Variants in BRF1 observed in about 807,000 individuals in gnomAD.
The protein encoded by BRF1 is transcription factor IIIB 90 kDa subunit.
In BRF1, 59 loss-of-function variants were observed where a neutral mutation model predicts 81.7. That is an observed-to-expected ratio of 0.72 (90% CI 0.59 to 0.90). The LOEUF (loss-of-function observed/expected upper bound fraction) is 0.90, where lower values mean the gene tolerates loss of function less well. Ranked by LOEUF, BRF1 falls within the 40% of genes least tolerant of loss-of-function variation. The pLI is 0.00. For synonymous variants in BRF1, 491 were observed against 395.6 expected, an observed-to-expected ratio of 1.24 and a Z score of -2.86; for missense variants, 1,050 against 936.3, an observed-to-expected ratio of 1.12 and a Z score of -1.58.
intron 6 of BRF1, among the ~76,000 whole-genome samples, chr14:105,229,444 A>G (rs935705246): frequency 2.6e-5 from 4 of 152,146 alleles, no homozygotes; most frequent in Non-Finnish European, 5.9e-5. Context: ...GGTAGAGTGG[A>G]CTCTGTGGGC....
intron 5 of BRF1, chr14:105,247,667 G>A (rs879590853): frequency 3.0e-6 from 3 of 985,404 alleles, no homozygotes; most frequent in African/African-American, 1.7e-5. Context: ...TGCTGGCTGC[G>A]TCCTGTGGGG....
upstream of BRF1, among the ~76,000 whole-genome samples, chr14:105,304,535 T>G (rs1409074370): frequency 6.6e-6 from 1 of 152,186 alleles, no homozygotes; most frequent in Admixed American, 6.5e-5. Context: ...AGGGTGAGGC[T>G]CTACTGGGCA....
chr14:105,251,306 C>G (rs2055596673), intron 5 of BRF1, among the ~76,000 whole-genome samples: 1 of 152,182 alleles, frequency 6.6e-6, no homozygotes, highest in Non-Finnish European at 1.5e-5. Flanking sequence ...GCCTGGTTGT[C>G]TCTATGTCCT....
chr14:105,287,561 CG>C (rs1156602637), intron 1 of BRF1, among the ~76,000 whole-genome samples: 1 of 152,106 alleles, frequency 6.6e-6, no homozygotes, highest in African/African-American at 2.4e-5. Flanking sequence ...TAGGGCCTGT[CG>C]GAGGACACTG....
intron 3 of BRF1, among the ~76,000 whole-genome samples, chr14:105,263,151 C>T (rs112031186): frequency 1.2e-4 from 18 of 149,352 alleles, no homozygotes; most frequent in Non-Finnish European, 2.1e-4. Flanking sequence ...GCAGGAGAAT[C>T]GCTTGAACCC....
Position 105,252,559 on chromosome 14 carries a change from T to A in BRF1, c.492A>T (p.Gly164=). 6.2e-7 allele frequency: 1 copy of A among 1,613,818 alleles called. No individual in the cohort carries two copies. The highest frequency in any genetic ancestry group is 8.5e-7 in the Non-Finnish European group (1 of 1,179,962). The change falls in exon 5 of 18, where the codon GGA becomes GGT. Residue 164 remains glycine (G), a synonymous_variant. Transcript: ENST00000547530. ...CTCTTGCCAAGAGAAGAAACGTCTT[T>A]CCAAGCACGTACACATTCACCTGAG... is the stretch of plus-strand genomic sequence containing the variant. ...DLLQVNVYVL[G]KTFLLLAREL... is the part of the protein sequence containing the mutation.
intron 5 of BRF1, chr14:105,250,664 T>C: frequency 6.2e-7 from 1 of 1,607,190 alleles, no homozygotes; most frequent in Non-Finnish European, 8.5e-7. Flanking sequence ...GCTCATTTTC[T>C]ATGCCTGAGG....
intron 6 of BRF1, among the ~76,000 whole-genome samples, chr14:105,229,143 A>G (rs1181235686): frequency 1.3e-5 from 2 of 152,238 alleles, no homozygotes; most frequent in Non-Finnish European, 2.9e-5. Context: ...ATCAAGGAAA[A>G]TTAAAATGAA....
At chr14:105,300,258 T>C (rs1300642172) in intron 1 of BRF1, among the ~76,000 whole-genome samples, 188 bp downstream of exon 1, 1 of 151,382 alleles carries the variant, frequency 6.6e-6, no homozygotes, top group African/African-American at 2.4e-5. Context: ...GCCACGGGGG[T>C]CCACAGGCGC....
chr14:105,249,053 C>T (rs2055383701), intron 5 of BRF1: 14 of 1,292,026 alleles, frequency 1.1e-5, no homozygotes, highest in Middle Eastern at 3.0e-4. Flanking sequence ...AGAGCCCCGG[C>T]TGGCGGTGCT....
At chr14:105,248,995 CGCCGCCG>C in intron 5 of BRF1, 1 of 1,005,766 alleles carries the variant, frequency 9.9e-7, no homozygotes, top group Non-Finnish European at 1.2e-6. Flanking sequence ...GCGCCAGCGC[CGCCGCCG>C]CCCGCGCCCG....
At chr14:105,297,944 C>G (rs1282006003) in intron 1 of BRF1, among the ~76,000 whole-genome samples, 1 of 152,050 alleles carries the variant, frequency 6.6e-6, no homozygotes, top group Non-Finnish European at 1.5e-5. Context: ...TGCAGTGAGC[C>G]GAGATAGTGC....
chr14:105,224,441 T>A (rs1282407636), intron 10 of BRF1, among the ~76,000 whole-genome samples: 5 of 152,236 alleles, frequency 3.3e-5, no homozygotes, highest in African/African-American at 1.2e-4. Context: ...ATGTCCACCC[T>A]GGCTGCAATC....
chr14:105,300,369 C>T, intron 1 of BRF1, 77 bp downstream of exon 1: 1 of 1,373,788 alleles, frequency 7.3e-7, no homozygotes, highest in Middle Eastern at 2.7e-4. Context: ...GGCGCTGGTC[C>T]CGGCCGCGCC....
chr14:105,300,554 T>C lies in BRF1; in HGVS notation c.76A>G (p.Thr26Ala). The C allele has an allele frequency of 6.6e-7, 1 of 1,506,092 alleles. No individual in the cohort carries two copies. Among genetic ancestry groups the C allele is most frequent in the Non-Finnish European group, 8.8e-7 (1 of 1,131,136 alleles). The allele number at this position is 1,506,092 out of a possible 1,614,324, so 93.3% of individuals were successfully genotyped here. ...TCCTCCAGCACTGAGCCGCAGGCGGTGCACACCGCGTCCCCGCGCGCCGCG... is the reference window on the plus strand; with the variant it reads ...TCCTCCAGCACTGAGCCGCAGGCGGCGCACACCGCGTCCCCGCGCGCCGCG... Reference protein sequence around the residue: ...LDAARGDAVCTACGSVLEDNI... With the variant: ...LDAARGDAVCAACGSVLEDNI... The change falls in exon 1 of 18, where the codon ACC (threonine) becomes GCC (alanine). Residue 26 changes from threonine to alanine, a missense_variant. Thr to Ala is a moderately conservative substitution (Grantham distance 58, BLOSUM62 0). This residue lies in a region of BRF1 where 1,043 missense variants were observed against 915.4 expected (regional missense o/e 1.14). Transcript: ENST00000547530.
At chr14:105,249,191 G>A in intron 5 of BRF1, 1 of 1,588,798 alleles carries the variant, frequency 6.3e-7, no homozygotes. Flanking sequence ...GCTCATGGCC[G>A]ACGTGCACTT....
intron 1 of BRF1, among the ~76,000 whole-genome samples, chr14:105,288,757 C>T (rs1399122126): frequency 6.6e-6 from 1 of 151,280 alleles, no homozygotes; most frequent in Non-Finnish European, 1.5e-5. Flanking sequence ...CCTCAGCCTC[C>T]CGAGTAGCTG....
intron 4 of BRF1, 166 bp downstream of exon 4, chr14:105,256,352 T>TA: frequency 1.3e-6 from 2 of 1,561,186 alleles, no homozygotes; most frequent in Non-Finnish European, 1.7e-6. Context: ...CCCCATGTCA[T>TA]GAAGGCCCCT....
intron 1 of BRF1, among the ~76,000 whole-genome samples, chr14:105,313,298 C>T (rs1328054260): frequency 6.6e-6 from 1 of 152,208 alleles, no homozygotes; most frequent in African/African-American, 2.4e-5. Flanking sequence ...GACAGCCTGT[C>T]CTCCTGGGGT....
Sources: gnomAD v4.1 joint callset for allele counts (sites outside exome capture counted in the v4.1 genomes callset) on GRCh38, gnomAD v4.1.1 for gene constraint, gnomAD v4.1.1 regional missense constraint, MANE v1.5 for transcripts, NCBI Gene and HGNC (gene_info 2026-07-23, HGNC 2026-07-21) for gene names.